ZNF346: variants seen among roughly 807,000 people sequenced by gnomAD.
The protein encoded by ZNF346 is zinc finger protein 346.
Under a neutral mutation model 33.7 loss-of-function variants are expected in ZNF346, and 23 were observed. The observed-to-expected ratio is 0.68, with a 90% CI of 0.49 to 0.97. The LOEUF is 0.97. ZNF346 is among the 50% of genes least tolerant of loss of function. The probability of loss-of-function intolerance (pLI) is 0.00; values close to 1 mark genes in which losing one functional copy is unlikely to be tolerated. For synonymous variants in ZNF346, 134 were observed against 142.4 expected (o/e 0.94, Z 0.42); for missense variants, 340 against 371.1 (o/e 0.92, Z 0.69).
rs1306449203 is a variant in ZNF346, at chr5:177,065,949, A to G, written c.*1350A>G. 1.3e-5 allele frequency: 2 copies of G among 149,328 alleles called. No homozygotes were observed. Among genetic ancestry groups the G allele is most frequent in the African/African-American group, 5.0e-5 (2 of 40,220 alleles). The allele number at this position is 149,328 out of a possible 1,614,324, so 9.3% of individuals were successfully genotyped here. A position where few individuals can be genotyped will look rare whatever the true frequency, so the allele number is the denominator to read the frequency against. ...CTCTTGGTCACTGAAGCATCCAAATAAAGAATTTCCCTCATGGGCCAGACT... is the reference window on the plus strand; with the variant it reads ...CTCTTGGTCACTGAAGCATCCAAATGAAGAATTTCCCTCATGGGCCAGACT... On this transcript the variant is annotated 3_prime_UTR_variant, in exon 7 of 7. Transcript: ENST00000358149.
At chr5:177,040,672 G>A (rs1461479524) in intron 1 of ZNF346, among the ~76,000 whole-genome samples, 1 of 152,018 alleles carries the variant, frequency 6.6e-6, no homozygotes, top group Non-Finnish European at 1.5e-5. Flanking sequence ...ATGTTTCAAA[G>A]TCAGATCAAG....
In ZNF346 at chr5:177,050,785, C is replaced by G. The variant is rs1664526723; in HGVS notation, c.552C>G (p.Asp184Glu). The G allele has an allele frequency of 1.2e-6, 2 of 1,614,086 alleles. No homozygotes were observed. The highest frequency in any genetic ancestry group is 1.7e-6 in the Non-Finnish European group (2 of 1,180,022). Residue 184 changes from aspartate (D) to glutamate (E), a missense_variant, in exon 5 of 7, where the codon GAC becomes GAG. Physicochemically the swap from Asp to Glu is conservative, Grantham distance 45. Transcript: ENST00000358149. ...LHQNREMIDPDKFCSLCHATF... is the reference protein window; with the variant it reads ...LHQNREMIDPEKFCSLCHATF... ...AGAATAGAGAGATGATAGACCCAGA[C>G]AAGTTCTGCAGCCTCTGCCATGCAA...
downstream of ZNF346, among the ~76,000 whole-genome samples, chr5:177,070,465 A>T (rs1783448548): frequency 3.9e-5 from 6 of 152,066 alleles, no homozygotes; most frequent in Admixed American, 3.9e-4. Flanking sequence ...CTGGAGAGGC[A>T]GTCTAGCGTA....
At chr5:177,027,529 T>A (rs1412846910) in intron 1 of ZNF346, among the ~76,000 whole-genome samples, 1 of 144,422 alleles carries the variant, frequency 6.9e-6, no homozygotes, top group East Asian at 2.1e-4. Context: ...AAGGTTGCAG[T>A]GAGCCGAGAT....
At position 177,050,934 on chromosome 5, in the gene ZNF346, C is replaced by T. The variant is rs757383435; in HGVS notation, c.701C>T (p.Pro234Leu). 1.4e-5 allele frequency: 23 copies of T among 1,613,446 alleles called. No individual in the cohort carries two copies. The highest frequency in any genetic ancestry group is 2.5e-6 in the Non-Finnish European group (3 of 1,179,550). Residue 234 changes from proline to leucine, a missense_variant and splice_region_variant, in exon 5 of 7, where the codon CCA becomes CTA. Pro to Leu is a moderately conservative substitution (Grantham distance 98, BLOSUM62 -3). Coordinates refer to ENST00000358149, the MANE Select transcript of ZNF346 (RefSeq NM_012279.4). ...RLADPAVTDFPAGKGYPCKTC... is the reference protein window; with the variant it reads ...RLADPAVTDFLAGKGYPCKTC... ...GCGGACCCTGCTGTCACTGACTTTC[C>T]AGGTGAGGGGGCCTAGCTCACACCC...
intron 1 of ZNF346, among the ~76,000 whole-genome samples, chr5:177,036,551 G>A (rs967543542): frequency 1.3e-5 from 2 of 151,980 alleles, no homozygotes; most frequent in Non-Finnish European, 1.5e-5. Context: ...GTGTGTGTAC[G>A]CAGCCTCAGG....
At chr5:177,048,880 G>C (rs1029258909) in intron 4 of ZNF346, among the ~76,000 whole-genome samples, 1 of 149,072 alleles carries the variant, frequency 6.7e-6, no homozygotes, top group Non-Finnish European at 1.5e-5. Flanking sequence ...CCGCCCACCT[G>C]TTCAAGCAGT....
At chr5:177,041,351 A>G (rs560531369) in intron 2 of ZNF346, 122 bp downstream of exon 2, 2 of 760,396 alleles carry the variant, frequency 2.6e-6, no homozygotes, top group South Asian at 3.2e-5. Flanking sequence ...GCCTCCATGC[A>G]TGTTGGCTTG....
intron 5 of ZNF346, among the ~76,000 whole-genome samples, chr5:177,057,307 C>G (rs960500828): frequency 7.5e-6 from 1 of 134,080 alleles, no homozygotes. Context: ...AAAAAAAAGA[C>G]CTGTGTCTCT....
At chr5:177,046,269 C>A (rs963716654) in intron 4 of ZNF346, among the ~76,000 whole-genome samples, 1 of 148,210 alleles carries the variant, frequency 6.7e-6, no homozygotes, top group African/African-American at 2.5e-5. Context: ...CCATTGTACA[C>A]CAGCCTGGGG....
intron 5 of ZNF346, among the ~76,000 whole-genome samples, chr5:177,060,686 T>G (rs1410950728): frequency 1.3e-5 from 2 of 152,150 alleles, no homozygotes; most frequent in Non-Finnish European, 2.9e-5. Flanking sequence ...CACGCACCAG[T>G]AGTCCCAGCT....
At chr5:177,046,691 GGTTTCTCCTATAATCT>G (rs1319945662) in intron 4 of ZNF346, among the ~76,000 whole-genome samples, 15 of 152,044 alleles carry the variant, frequency 9.9e-5, no homozygotes, top group African/African-American at 3.1e-4. Flanking sequence ...TTAACATTTT[GGTTTCTCCTATAATCT>G]GTTTCTCCTA....
chr5:177,023,426 C>T lies in ZNF346; in HGVS notation c.175+513C>T, dbSNP rs375125535. Among the ~76,000 whole-genome samples, 23 of 152,288 alleles carry T rather than the reference C, an allele frequency of 1.5e-4. No individual in the cohort carries two copies. In the East Asian group the frequency reaches 4.4e-3, roughly 29 times the overall value. On this transcript the variant is annotated intron_variant, in intron 1 of 6. Transcript: ENST00000358149. ...CCCTGGCTTACCCGTTTTTAGCTCT[C>T]TGGCCTCTACTTGCTGGGTCCCTTA...
chr5:177,038,200 CA>C (rs1465545567), intron 1 of ZNF346, among the ~76,000 whole-genome samples: 3 of 151,648 alleles, frequency 2.0e-5, no homozygotes, highest in African/African-American at 7.3e-5. Flanking sequence ...GGGATTCTCC[CA>C]CCTCAGCCTC....
chr5:177,024,927 C>G (rs1194292512), intron 1 of ZNF346, among the ~76,000 whole-genome samples: 2 of 152,236 alleles, frequency 1.3e-5, no homozygotes, highest in East Asian at 3.8e-4. Flanking sequence ...ACATTAAGTT[C>G]TACTCACCCT....
At chr5:177,024,273 G>A (rs1391852346) in intron 1 of ZNF346, among the ~76,000 whole-genome samples, 1 of 127,120 alleles carries the variant, frequency 7.9e-6, no homozygotes, top group African/African-American at 3.0e-5. Flanking sequence ...CAATCACACT[G>A]CAACCTCCGC....
Position 177,064,551 on chromosome 5 carries a change from A to G in ZNF346, c.837A>G (p.Pro279=), listed in dbSNP as rs770540378. 1.2e-6 allele frequency: 2 copies of G among 1,614,134 alleles called. No homozygotes were observed. Among genetic ancestry groups the G allele is most frequent in the African/African-American group, 2.7e-5 (2 of 74,952 alleles). ...TGGCATCATCCCTGGGCCAGATTCC[A>G]ATGCAAAGGCAACCCATTCAGAAAG... ...KTVASSLGQI[P]MQRQPIQKDS... Residue 279 remains proline, a synonymous_variant, in exon 7 of 7, where the codon CCA becomes CCG. Coordinates refer to ENST00000358149, the MANE Select transcript of ZNF346 (RefSeq NM_012279.4).
chr5:177,046,216 G>A (rs895614639), intron 4 of ZNF346, among the ~76,000 whole-genome samples: 6 of 150,880 alleles, frequency 4.0e-5, no homozygotes, highest in Admixed American at 1.3e-4. Flanking sequence ...CAAGAGAATC[G>A]CTTGAACCCG....
At chr5:177,061,067 G>A (rs531023643) in intron 5 of ZNF346, among the ~76,000 whole-genome samples, 3 of 150,452 alleles carry the variant, frequency 2.0e-5, no homozygotes, top group African/African-American at 4.9e-5. Flanking sequence ...AGCCAAGATC[G>A]CACCACTGCA....
Sources: allele counts gnomAD v4.1 joint callset (sites outside exome capture counted in the v4.1 genomes callset), GRCh38; gene constraint gnomAD v4.1.1; transcripts MANE v1.5; gene names NCBI Gene and HGNC (gene_info 2026-07-23, HGNC 2026-07-21).